CCDC170: variants seen among roughly 807,000 people sequenced by gnomAD.
The protein encoded by CCDC170 is coiled-coil domain-containing protein 170.
Under a neutral mutation model 72.6 loss-of-function variants are expected in CCDC170, and 69 were observed. The ratio of observed to expected loss-of-function variants is 0.95; its 90% CI spans 0.78 to 1.16. The LOEUF (loss-of-function observed/expected upper bound fraction) is 1.16. CCDC170 is among the 50% of genes most tolerant of loss of function. The pLI is 0.00. For synonymous variants in CCDC170, 300 were observed against 303.9 expected (o/e 0.99, Z 0.13); for missense variants, 852 against 832.5 (o/e 1.02, Z -0.29).
intron 8 of CCDC170, 65 bp from the exon 9 acceptor site, chr6:151,596,270 G>A: frequency 6.9e-7 from 1 of 1,453,448 alleles, no homozygotes; most frequent in Non-Finnish European, 9.1e-7. Context: ...CATTATCTGG[G>A]TAACTCATTT....
chr6:151,507,688 C>T (rs938435021), intron 1 of CCDC170, among the ~76,000 whole-genome samples: 16 of 151,872 alleles, frequency 1.1e-4, no homozygotes, highest in East Asian at 3.9e-4. Flanking sequence ...TTTGGGAGGC[C>T]GAGGTGGGCA....
intron 10 of CCDC170, 92 bp downstream of exon 10, chr6:151,615,771 A>T (rs963517711): frequency 7.5e-5 from 74 of 987,172 alleles, no homozygotes; most frequent in Non-Finnish European, 9.7e-5. Flanking sequence ...ATTTCTTTTT[A>T]AAAAAGTTTG....
intron 7 of CCDC170, among the ~76,000 whole-genome samples, chr6:151,591,684 A>G (rs916708932): frequency 1.1e-4 from 16 of 151,874 alleles, no homozygotes; most frequent in Admixed American, 6.6e-5. Context: ...TTTAGTAGAG[A>G]CGGGGTTTCA....
At chr6:151,503,039 T>A (rs911007263) in intron 1 of CCDC170, among the ~76,000 whole-genome samples, 2 of 152,000 alleles carry the variant, frequency 1.3e-5, no homozygotes, top group African/African-American at 4.8e-5. Context: ...TAGCTGGACA[T>A]GGTGGTGCGC....
intron 1 of CCDC170, among the ~76,000 whole-genome samples, chr6:151,533,590 C>T (rs565326259): frequency 4.0e-5 from 6 of 151,624 alleles, no homozygotes; most frequent in African/African-American, 1.5e-4. Flanking sequence ...TCGCTTGAAC[C>T]TAGGAGGTGG....
At chr6:151,578,506 A>G (rs1776335253) in intron 6 of CCDC170, among the ~76,000 whole-genome samples, 1 of 152,144 alleles carries the variant, frequency 6.6e-6, no homozygotes, top group African/African-American at 2.4e-5. Context: ...TAAGGACCTC[A>G]GTCATCTGGG....
intron 6 of CCDC170, among the ~76,000 whole-genome samples, chr6:151,577,150 A>G (rs1776313267): frequency 6.6e-6 from 1 of 152,082 alleles, no homozygotes; most frequent in African/African-American, 2.4e-5. Context: ...CCTCAGAACT[A>G]TTGACATTTT....
intron 1 of CCDC170, among the ~76,000 whole-genome samples, chr6:151,516,665 G>A (rs1782240637): frequency 6.6e-6 from 1 of 152,164 alleles, no homozygotes; most frequent in Non-Finnish European, 1.5e-5. Context: ...CCTTGAAAGA[G>A]AGAGGAGTTC....
chr6:151,610,559 C>T (rs1025593997), intron 9 of CCDC170, among the ~76,000 whole-genome samples: 3 of 152,218 alleles, frequency 2.0e-5, no homozygotes, highest in Non-Finnish European at 4.4e-5. Context: ...CCACGTATCA[C>T]TTAAGAACAA....
rs556304860 is a variant in CCDC170, at chr6:151,596,362, A to G, written c.1495A>G (p.Ser499Gly). The change falls in exon 9 of 11, where the codon AGC becomes GGC. Residue 499 changes from serine to glycine, a missense_variant. Physicochemically the swap from Ser to Gly is moderately conservative, Grantham distance 56. Coordinates refer to ENST00000239374, the MANE Select transcript of CCDC170 (RefSeq NM_025059.4). ...KLKTQKERLE[S>G]KELHMSLLRQ... ...AAAGACACAGAAAGAGAGACTGGAG[A>G]GCAAAGAATTACACATGAGCCTCCT... 5.0e-6 allele frequency: 8 copies of G among 1,613,844 alleles called. No individual in the cohort carries two copies. In the East Asian group the frequency reaches 1.8e-4, roughly 36 times the overall value.
rs1056229843 is a variant in CCDC170 at position 151,526,520 on chromosome 6, T to C, written c.58-9798T>C. ...CAGGCATGAGCCACCCCGCCTGGCC[T>C]TTTTTTTTTTTTTTGAGATGGAGAC... On this transcript the variant is annotated intron_variant, in intron 1 of 10. Coordinates refer to ENST00000239374, the MANE Select transcript of CCDC170 (RefSeq NM_025059.4). Among the ~76,000 whole-genome samples, 543 of 77,048 alleles carry C rather than the reference T, an allele frequency of 7.0e-3. 17 individuals are homozygous for C. The highest frequency in any genetic ancestry group is 1.3e-3 in the Non-Finnish European group (57 of 44,956). The allele number at this position is 77,048 out of a possible 152,430, so 50.5% of individuals were successfully genotyped here.
chr6:151,497,952 CAAAA>C (rs59201906), intron 1 of CCDC170, among the ~76,000 whole-genome samples: 2 of 58,048 alleles, frequency 3.4e-5, no homozygotes, highest in African/African-American at 1.3e-4. Flanking sequence ...CACACCATCT[CAAAA>C]AAAAAAAAAA....
chr6:151,534,374 A>G (rs1782542658), intron 1 of CCDC170, among the ~76,000 whole-genome samples: 1 of 152,188 alleles, frequency 6.6e-6, no homozygotes, highest in Non-Finnish European at 1.5e-5. Flanking sequence ...TTCTTAAAAA[A>G]AAAAAAGATG....
rs779650559 is a variant in CCDC170 at position 151,540,373 on chromosome 6, C to CTTTTTTTTTTTTTTTTTT, written c.443+2084_443+2101dup. Among the ~76,000 whole-genome samples, 36 of 37,984 alleles carry CTTTTTTTTTTTTTTTTTT rather than the reference C, an allele frequency of 9.5e-4. 12 individuals are homozygous for CTTTTTTTTTTTTTTTTTT. The highest frequency in any genetic ancestry group is 3.7e-3 in the East Asian group (3 of 818). The allele number at this position is 37,984 out of a possible 152,430, so 24.9% of individuals were successfully genotyped here. On this transcript the variant is annotated intron_variant, in intron 3 of 10. Coordinates refer to ENST00000239374, the MANE Select transcript of CCDC170 (RefSeq NM_025059.4). ...CCTCCTCCTCCTTCTTCTGCTGCTG[C>CTTTTTTTTTTTTTTTTTT]TTTTTTTTTTTTTTTTTTTTTTTTT...
intron 1 of CCDC170, 110 bp from the exon 2 acceptor site, chr6:151,536,208 A>G: frequency 1.6e-6 from 2 of 1,258,306 alleles, no homozygotes; most frequent in Non-Finnish European, 2.3e-6. Context: ...TGTTTGACAT[A>G]TTTGGAATAC....
chr6:151,521,916 G>A (rs1318752851), intron 1 of CCDC170, among the ~76,000 whole-genome samples: 1 of 151,366 alleles, frequency 6.6e-6, no homozygotes, highest in Non-Finnish European at 1.5e-5. Context: ...AACCCAGGAG[G>A]CGGAGCTTGT....
chr6:151,545,730 G>T (rs57345446), intron 4 of CCDC170, among the ~76,000 whole-genome samples: 15,600 of 151,996 alleles, frequency 0.1, 2,495 homozygotes, highest in African/African-American at 0.34. Flanking sequence ...GACTTCTTGG[G>T]CTCAAGTGAT....
At chr6:151,597,597 G>A (rs1030424710) in intron 9 of CCDC170, among the ~76,000 whole-genome samples, 1 of 152,218 alleles carries the variant, frequency 6.6e-6, no homozygotes, top group Non-Finnish European at 1.5e-5. Context: ...GGGTATTTAC[G>A]TTGTGCTCTG....
chr6:151,562,190 C>A (rs963916511), intron 5 of CCDC170, among the ~76,000 whole-genome samples: 1 of 151,872 alleles, frequency 6.6e-6, no homozygotes, highest in Non-Finnish European at 1.5e-5. Flanking sequence ...CCTTGCAATC[C>A]GTATTTTGAA....
Sources: allele counts gnomAD v4.1 joint callset (sites outside exome capture counted in the v4.1 genomes callset), GRCh38; gene constraint gnomAD v4.1.1; transcripts MANE v1.5; gene names NCBI Gene and HGNC (gene_info 2026-07-23, HGNC 2026-07-21).